Variants in KIAA1671 observed in about 807,000 individuals in gnomAD.
KIAA1671 encodes uncharacterized protein KIAA1671.
In KIAA1671, 52 loss-of-function variants were observed where a neutral mutation model predicts 131.2. The observed-to-expected ratio is 0.40, with a 90% CI of 0.32 to 0.50. KIAA1671 has a LOEUF of 0.50. Ranked by LOEUF, KIAA1671 falls within the 20% of genes least tolerant of loss-of-function variation. The probability of loss-of-function intolerance (pLI) is 0.73; values close to 1 mark genes in which losing one functional copy is unlikely to be tolerated. For synonymous variants in KIAA1671, 1,003 were observed against 961.6 expected, an observed-to-expected ratio of 1.04 and a Z score of -0.80; for missense variants, 2,360 against 2,364.2, an observed-to-expected ratio of 1.00 and a Z score of 0.04.
intron 6 of KIAA1671, chr22:25,056,400 A>G (rs1268006389): frequency 1.3e-5 from 2 of 149,400 alleles, no homozygotes; most frequent in African/African-American, 2.4e-5. Flanking sequence ...CCTAAGCCAG[A>G]TGGCCTGGGT....
intron 6 of KIAA1671, among the ~76,000 whole-genome samples, chr22:25,111,224 A>ACG (rs1182502925): frequency 2.0e-5 from 3 of 152,190 alleles, no homozygotes; most frequent in Non-Finnish European, 4.4e-5. Flanking sequence ...GCCGACATAC[A>ACG]CGCACACACA....
intron 6 of KIAA1671, among the ~76,000 whole-genome samples, chr22:25,078,279 C>A (rs1481619297): frequency 6.6e-6 from 1 of 152,188 alleles, no homozygotes; most frequent in East Asian, 1.9e-4. Flanking sequence ...AATCCCAAGA[C>A]TCTGTGAGAT....
chr22:25,163,331 ATTTTTTTTTTTTTTTTT>A (rs132895), intron 6 of KIAA1671, among the ~76,000 whole-genome samples: 6 of 55,544 alleles, frequency 1.1e-4, no homozygotes, highest in Admixed American at 3.0e-4. Flanking sequence ...ATTGCCTCAA[ATTTTTTTTTTTTTTTTT>A]TTTTTTTTTT....
At chr22:25,027,857 C>T in intron 2 of KIAA1671, 88 bp from the exon 3 acceptor site, 1 of 683,906 alleles carries the variant, frequency 1.5e-6, no homozygotes, top group Non-Finnish European at 2.4e-6. Context: ...GGGCTCAGGA[C>T]TCTGTCCCAT....
intron 6 of KIAA1671, chr22:25,070,262 G>T: frequency 2.4e-6 from 1 of 411,120 alleles, no homozygotes; most frequent in East Asian, 3.6e-5. Flanking sequence ...GATTTATGCC[G>T]CCTTGAACTT....
Position 25,041,029 on chromosome 22 carries a change from C to A in KIAA1671, c.3899C>A (p.Pro1300Gln). Residue 1300 changes from proline to glutamine, a missense_variant, in exon 5 of 13, where the codon CCA (proline) becomes CAA (glutamine). Physicochemically the swap from Pro to Gln is moderately conservative, Grantham distance 76. Coordinates refer to ENST00000358431, the MANE Select transcript of KIAA1671 (RefSeq NM_001145206.2). ...TCTAGCCCTCCCTTCTGGGCTCTGC[C>A]ACCCTCGGCTCCTTCTGAAAGGTAT... is the stretch of plus-strand genomic sequence containing the variant. ...TKSSPPFWAL[P>Q]PSAPSERYPG... The A allele has an allele frequency of 6.7e-7, 1 of 1,493,250 alleles. No individual in the cohort carries two copies. Among genetic ancestry groups the A allele is most frequent in the South Asian group, 1.4e-5 (1 of 73,688 alleles). 92.5% of individuals were successfully genotyped at this position (1,493,250 alleles called of 1,614,324 possible).
chr22:25,021,897 C>T (rs1442024515), intron 1 of KIAA1671, among the ~76,000 whole-genome samples: 1 of 152,146 alleles, frequency 6.6e-6, no homozygotes, highest in Non-Finnish European at 1.5e-5. Context: ...CGCCATTCTC[C>T]TGCCTCAGCC....
chr22:25,093,732 C>CTCTCTCTCTCTT (rs759879869), intron 6 of KIAA1671, among the ~76,000 whole-genome samples: 1 of 111,528 alleles, frequency 9.0e-6, no homozygotes, highest in Admixed American at 8.2e-5. Flanking sequence ...CACACACACA[C>CTCTCTCTCTCTT]ACACACTCTC....
chr22:25,004,358 C>A (rs1343039237), intron 1 of KIAA1671, among the ~76,000 whole-genome samples: 2 of 152,134 alleles, frequency 1.3e-5, no homozygotes, highest in African/African-American at 4.8e-5. Flanking sequence ...TCAAGTGAGG[C>A]CTTGGCCTCC....
chr22:24,979,224 C>T (rs1923088093), intron 1 of KIAA1671, among the ~76,000 whole-genome samples: 2 of 142,994 alleles, frequency 1.4e-5, no homozygotes, highest in South Asian at 4.5e-4. Context: ...CATGTTTGGC[C>T]AGGCTGGTCT....
chr22:25,149,525 G>C (rs1270917508), intron 6 of KIAA1671, among the ~76,000 whole-genome samples: 1 of 151,928 alleles, frequency 6.6e-6, no homozygotes, highest in Admixed American at 6.6e-5. Flanking sequence ...CCTGTCCCTG[G>C]TGCCCCAAGC....
chr22:25,137,385 C>T (rs1932725617), intron 6 of KIAA1671, among the ~76,000 whole-genome samples: 1 of 152,198 alleles, frequency 6.6e-6, no homozygotes, highest in Admixed American at 6.5e-5. Flanking sequence ...CCTGTGGTAA[C>T]ACCTCTCTGT....
At chr22:25,155,449 A>G (rs1435860618) in intron 6 of KIAA1671, among the ~76,000 whole-genome samples, 2 of 151,280 alleles carry the variant, frequency 1.3e-5, no homozygotes, top group East Asian at 3.9e-4. Flanking sequence ...TTTTGTAGGT[A>G]TGCATTTGTG....
intron 6 of KIAA1671, among the ~76,000 whole-genome samples, chr22:25,149,249 G>A (rs1023871094): frequency 2.6e-5 from 4 of 152,180 alleles, no homozygotes; most frequent in African/African-American, 7.2e-5. Context: ...CAGGATTGGA[G>A]CCTGGGTCTG....
chr22:24,969,251 A>G (rs1031672364), intron 1 of KIAA1671, among the ~76,000 whole-genome samples: 4 of 152,298 alleles, frequency 2.6e-5, no homozygotes, highest in African/African-American at 9.6e-5. Flanking sequence ...TGGTATACTC[A>G]GGGGATTGGT....
chr22:25,032,588 T>A, intron 3 of KIAA1671, 21 bp from the exon 4 acceptor site: 1 of 1,494,274 alleles, frequency 6.7e-7, no homozygotes, highest in Non-Finnish European at 9.1e-7. Flanking sequence ...TCCATGAAGG[T>A]AACTCAGATC....
At chr22:24,970,751 A>AAAAAAT (rs56185762) in intron 1 of KIAA1671, among the ~76,000 whole-genome samples, 1 of 150,938 alleles carries the variant, frequency 6.6e-6, no homozygotes. Flanking sequence ...ACAAAACAAA[A>AAAAAAT]CTCATAACAT....
chr22:24,960,001 G>C (rs549053579), intron 1 of KIAA1671, among the ~76,000 whole-genome samples: 2 of 152,042 alleles, frequency 1.3e-5, no homozygotes, highest in South Asian at 4.2e-4. Context: ...AGCCAGGTGT[G>C]GTGGCGCCTG....
At position 25,117,010 on chromosome 22, in the gene KIAA1671, G is replaced by A. The variant is rs188464102; in HGVS notation, c.4531-53810G>A. Among the ~76,000 whole-genome samples, 289 of 152,290 alleles carry A rather than the reference G, an allele frequency of 1.9e-3. 1 individual carries two copies. The highest frequency in any genetic ancestry group is 0.01 in the Middle Eastern group (3 of 294). On this transcript the variant is annotated intron_variant, in intron 6 of 12. Transcript: ENST00000358431. ...TGTTTATGGCTGTGGGGGGTAAGGG[G>A]TAGAGTCTGTGCATTGTAAGCTTAT...
Sources: allele counts gnomAD v4.1 joint callset (sites outside exome capture counted in the v4.1 genomes callset), GRCh38; gene constraint gnomAD v4.1.1; transcripts MANE v1.5; gene names NCBI Gene and HGNC (gene_info 2026-07-23, HGNC 2026-07-21).